Variants in USP13 observed in about 807,000 individuals in gnomAD.
The protein encoded by USP13 is ubiquitin specific peptidase 13.
In USP13, 68 loss-of-function variants were observed where a neutral mutation model predicts 107.8. The ratio of observed to expected loss-of-function variants is 0.63; its 90% confidence interval spans 0.52 to 0.77. The LOEUF (loss-of-function observed/expected upper bound fraction) is 0.77, where lower values mean the gene tolerates loss of function less well. Ranked by LOEUF, USP13 falls within the 30% of genes least tolerant of loss-of-function variation. USP13 has a pLI of 0.00. For synonymous variants in USP13, 377 were observed against 389.5 expected (o/e 0.97, Z 0.38); for missense variants, 945 against 1,093.3 (o/e 0.86, Z 1.91).
rs556135786 is a variant in USP13 at position 179,754,720 on chromosome 3, C to T, written c.1799-12C>T. 1.5e-5 allele frequency: 24 copies of T among 1,610,984 alleles called. No individual in the cohort carries two copies. In the South Asian group the frequency reaches 2.5e-4, roughly 17 times the overall value. The stretch of plus-strand genomic sequence containing the variant: ...GGAGAGCCCAGTGGATATAATCTCT[C>T]TCATTTTGCAGATGTTTCTATTGAT... On this transcript the variant is annotated splice_polypyrimidine_tract_variant and intron_variant, in intron 14 of 20. Coordinates refer to ENST00000263966, the MANE Select transcript of USP13 (RefSeq NM_003940.3).
At chr3:179,665,868 G>A (rs1720571841) in intron 1 of USP13, among the ~76,000 whole-genome samples, 1 of 152,244 alleles carries the variant, frequency 6.6e-6, no homozygotes, top group South Asian at 2.1e-4. Flanking sequence ...TTACAGGCAT[G>A]AGCCACTGCA....
chr3:179,653,550 G>T lies in USP13; in HGVS notation c.168+157G>T. 1 of 1,024,102 alleles carries T rather than the reference G, an allele frequency of 9.8e-7. No individual in the cohort carries two copies. The highest frequency in any genetic ancestry group is 2.9e-5 in the East Asian group (1 of 34,786). The allele number at this position is 1,024,102 out of a possible 1,614,324, so 63.4% of individuals were successfully genotyped here. On this transcript the variant is annotated intron_variant, in intron 1 of 20. Transcript: ENST00000263966. The surrounding 1 kb of genome is among the most constrained non-coding windows in gnomAD (Gnocchi z 4.0). ...GCAGTTCGGCAGACACTTAGTGAGC[G>T]CCCCAGGGCTGCTGCAGCCGAGGAC...
intron 1 of USP13, among the ~76,000 whole-genome samples, chr3:179,668,522 T>C (rs1209923541): frequency 6.6e-6 from 1 of 152,216 alleles, no homozygotes; most frequent in Non-Finnish European, 1.5e-5. Context: ...ACCTGTTTGG[T>C]TATTCCCTGC....
At chr3:179,705,671 A>G (rs1712686751) in intron 4 of USP13, among the ~76,000 whole-genome samples, 1 of 152,108 alleles carries the variant, frequency 6.6e-6, no homozygotes, top group Admixed American at 6.5e-5. Context: ...TTTACATTCT[A>G]TTTGTTATGT....
chr3:179,754,867 G>A lies in USP13; in HGVS notation c.1921+13G>A, dbSNP rs1395935136. 6.2e-7 allele frequency: 1 copy of A among 1,604,904 alleles called. No homozygotes were observed. The highest frequency in any genetic ancestry group is 2.2e-5 in the East Asian group (1 of 44,472). On this transcript the variant is annotated intron_variant, in intron 15 of 20. Transcript: ENST00000263966. ...GATGACTCAAAAGGTACCATCTCCT[G>A]CCAGGAGAATATGCGCTACCCTCCC...
In USP13 at chr3:179,777,252, T is replaced by C. The variant is rs529894236; in HGVS notation, c.2414-4487T>C. 2.0e-3 allele frequency among the ~76,000 whole-genome samples: 304 copies of C among 152,244 alleles called. 3 individuals are homozygous for C. The highest frequency in any genetic ancestry group is 7.1e-3 in the African/African-American group (294 of 41,524). The stretch of plus-strand genomic sequence containing the variant: ...TTGGATATAGTGGGATGTATGGATT[T>C]GTCCTTTCTCTGTGTCTGTTTTGTC... On this transcript the variant is annotated intron_variant, in intron 19 of 20. Coordinates refer to ENST00000263966, the MANE Select transcript of USP13 (RefSeq NM_003940.3).
rs768537282 is a variant in USP13 at position 179,754,873 on chromosome 3, A to G, written c.1921+19A>G. Reference sequence around the variant, plus strand: ...TCAAAAGGTACCATCTCCTGCCAGGAGAATATGCGCTACCCTCCCACCCTG... The same window carrying G: ...TCAAAAGGTACCATCTCCTGCCAGGGGAATATGCGCTACCCTCCCACCCTG... On this transcript the variant is annotated intron_variant, in intron 15 of 20. Transcript: ENST00000263966. 6.2e-7 allele frequency: 1 copy of G among 1,604,288 alleles called. No homozygotes were observed. Among genetic ancestry groups the G allele is most frequent in the Admixed American group, 1.7e-5 (1 of 58,264 alleles).
intron 20 of USP13, among the ~76,000 whole-genome samples, chr3:179,783,035 G>A (rs772072271): frequency 5.3e-5 from 8 of 152,236 alleles, no homozygotes; most frequent in East Asian, 3.9e-4. Context: ...GTGAGTCACC[G>A]CACCCGGCTG....
chr3:179,740,311 TCTC>T lies in USP13; in HGVS notation c.1323_1325del (p.Ser442del). 1 of 1,614,060 alleles carries T rather than the reference TCTC, an allele frequency of 6.2e-7. No homozygotes were observed. ...TTTGTAAGCAAGAGCCACCCGGAAT[TCTC>T]CTCTAACAGGCAGCAAGATGCCCAG... On this transcript the variant is annotated inframe_deletion, in exon 11 of 21. Transcript: ENST00000263966.
rs1025062597 is a variant in USP13, at chr3:179,653,074, C to T, written c.-152C>T. ...CAAGCCCGCGGTGCCCGCTCCCGCCCCGCAGCCCGCTCTCCCCGCCCGCCC... is the reference window on the plus strand; with the variant it reads ...CAAGCCCGCGGTGCCCGCTCCCGCCTCGCAGCCCGCTCTCCCCGCCCGCCC... On this transcript the variant is annotated 5_prime_UTR_variant, in exon 1 of 21. Transcript: ENST00000263966. The surrounding 1 kb of genome is among the most constrained non-coding windows in gnomAD (Gnocchi z 4.0). The T allele has an allele frequency of 2.4e-4, 146 of 618,486 alleles. No homozygotes were observed. Among genetic ancestry groups the T allele is most frequent in the Non-Finnish European group, 2.8e-4 (138 of 495,858 alleles). 38.3% of individuals were successfully genotyped at this position (618,486 alleles called of 1,614,324 possible). A position where few individuals can be genotyped will look rare whatever the true frequency, so the allele number is the denominator to read the frequency against.
intron 6 of USP13, among the ~76,000 whole-genome samples, chr3:179,719,281 A>G (rs983461509): frequency 6.6e-6 from 1 of 152,082 alleles, no homozygotes. Context: ...AATACCAAAC[A>G]TATGGTCATT....
At chr3:179,762,811 C>A (rs1266756360) in intron 17 of USP13, among the ~76,000 whole-genome samples, 1 of 152,162 alleles carries the variant, frequency 6.6e-6, no homozygotes, top group Non-Finnish European at 1.5e-5. Flanking sequence ...TGAGGAACGA[C>A]CAAACTGTTT....
At chr3:179,772,472 C>T (rs1387753616) in intron 19 of USP13, among the ~76,000 whole-genome samples, 1 of 152,128 alleles carries the variant, frequency 6.6e-6, no homozygotes, top group African/African-American at 2.4e-5. Context: ...AGCAGAGAGG[C>T]GTTCATTTGC....
chr3:179,694,845 A>C (rs574570708), intron 3 of USP13, among the ~76,000 whole-genome samples: 1 of 151,618 alleles, frequency 6.6e-6, no homozygotes, highest in African/African-American at 2.4e-5. Flanking sequence ...AAGAGGAGAA[A>C]GAGGAAGGAC....
At chr3:179,728,371 A>C (rs1264705673) in intron 8 of USP13, among the ~76,000 whole-genome samples, 1 of 143,786 alleles carries the variant, frequency 7.0e-6, no homozygotes, top group Non-Finnish European at 1.5e-5. Context: ...TGCTCCCCAC[A>C]TCTCAGACGA....
At chr3:179,718,492 G>C (rs1713186373) in intron 6 of USP13, among the ~76,000 whole-genome samples, 1 of 152,096 alleles carries the variant, frequency 6.6e-6, no homozygotes, top group African/African-American at 2.4e-5. Context: ...TTCTGTTGTA[G>C]AGGGAAGAAG....
At chr3:179,661,461 ATT>A (rs5854840) in intron 1 of USP13, among the ~76,000 whole-genome samples, 3 of 148,306 alleles carry the variant, frequency 2.0e-5, no homozygotes, top group Admixed American at 1.3e-4. Flanking sequence ...CATAGATAGG[ATT>A]TTTTTTTTTT....
chr3:179,759,263 G>A (rs1160356625), intron 16 of USP13, among the ~76,000 whole-genome samples: 1 of 152,184 alleles, frequency 6.6e-6, no homozygotes, highest in Non-Finnish European at 1.5e-5. Context: ...TTACAGGCGT[G>A]AGCCACCGCG....
At chr3:179,702,211 G>A (rs1016353093) in intron 4 of USP13, among the ~76,000 whole-genome samples, 34 of 152,064 alleles carry the variant, frequency 2.2e-4, no homozygotes, top group African/African-American at 8.0e-4. Context: ...AGTGCAGATG[G>A]GGTTTCACCA....
Sources: gnomAD v4.1 joint callset for allele counts (sites outside exome capture counted in the v4.1 genomes callset) on GRCh38, gnomAD v4.1.1 for gene constraint, Gnocchi (gnomAD v3.1) non-coding constraint, MANE v1.5 for transcripts, NCBI Gene and HGNC (gene_info 2026-07-23, HGNC 2026-07-21) for gene names.